The following SRGAP2 variants were observed in gnomAD, a reference collection of about 807,000 sequenced individuals.
SRGAP2 encodes the protein SLIT-ROBO Rho GTPase activating protein 2.
In SRGAP2, 15 loss-of-function variants were observed where a neutral mutation model predicts 57.2. That is an observed-to-expected ratio of 0.26 (90% CI 0.18 to 0.40). The LOEUF (loss-of-function observed/expected upper bound fraction) is 0.40, where lower values mean the gene tolerates loss of function less well. SRGAP2 is among the 10% of genes least tolerant of loss of function. The pLI is 1.00. For missense variants in SRGAP2, 520 were observed against 669.6 expected, an observed-to-expected ratio of 0.78 and a Z score of 2.47; for synonymous variants, 249 against 248.0, an observed-to-expected ratio of 1.00 and a Z score of -0.04.
intron 4 of SRGAP2, among the ~76,000 whole-genome samples, chr1:206,344,049 G>A (rs1675431924): frequency 6.6e-6 from 1 of 152,074 alleles, no homozygotes; most frequent in South Asian, 2.1e-4. Context: ...GAAAAGACTG[G>A]TAAACAGGAT....
At chr1:206,422,718 G>A (rs1312514032) in intron 13 of SRGAP2, among the ~76,000 whole-genome samples, 1 of 152,214 alleles carries the variant, frequency 6.6e-6, no homozygotes, top group Admixed American at 6.5e-5. Context: ...GGTGATATGT[G>A]CCCTTGGTTG....
Position 206,429,873 on chromosome 1 carries a change from C to T in SRGAP2, c.1495-289C>T, listed in dbSNP as rs555147504. On this transcript the variant is annotated intron_variant, in intron 13 of 22. Coordinates refer to ENST00000573034, the MANE Select transcript of SRGAP2 (RefSeq NM_015326.5). ...ATTTGAGAGATATTTAGAAGGCAGA[C>T]ATGACAGAATATTAATTAATTAGGT... Among the ~76,000 whole-genome samples, 273 of 152,240 alleles carry T rather than the reference C, an allele frequency of 1.8e-3. 1 individual carries two copies. The highest frequency in any genetic ancestry group is 6.3e-3 in the African/African-American group (260 of 41,554).
Position 206,458,545 on chromosome 1 carries a change from C to T in SRGAP2, c.2508-78C>T, listed in dbSNP as rs1425850871. Reference sequence around the variant, plus strand: ...TTCCGAAGTCCCTGGGTGCCAACATCTGCCCCCTCCCACTTATCCTAGCTT... The same window carrying T: ...TTCCGAAGTCCCTGGGTGCCAACATTTGCCCCCTCCCACTTATCCTAGCTT... On this transcript the variant is annotated intron_variant, in intron 21 of 22. Transcript: ENST00000573034. 4 of 679,068 alleles carry T rather than the reference C, an allele frequency of 5.9e-6. No homozygotes were observed. The Admixed American group carries it at 9.0e-5, about 15-fold the overall frequency. The allele number at this position is 679,068 out of a possible 1,614,324, so 42.1% of individuals were successfully genotyped here.
intron 2 of SRGAP2, among the ~76,000 whole-genome samples, chr1:206,256,445 A>T (rs1669189652): frequency 6.7e-6 from 1 of 148,272 alleles, no homozygotes; most frequent in Admixed American, 6.7e-5. Context: ...AACAATTCCC[A>T]TTCTATTGGT....
intron 3 of SRGAP2, among the ~76,000 whole-genome samples, chr1:206,319,306 G>A (rs201076451): frequency 0.1 from 14,088 of 140,762 alleles, 1,605 homozygotes; most frequent in African/African-American, 0.29. Flanking sequence ...ACCTACTCAG[G>A]AGGCTGAGGC....
At chr1:206,220,375 TGGAGTA>T (rs1180420373) in intron 2 of SRGAP2, among the ~76,000 whole-genome samples, 1 of 152,218 alleles carries the variant, frequency 6.6e-6, no homozygotes, top group Non-Finnish European at 1.5e-5. Flanking sequence ...TGAAACTATT[TGGAGTA>T]GGAGTGAGGA....
intron 5 of SRGAP2, among the ~76,000 whole-genome samples, chr1:206,391,706 C>T (rs1242483032): frequency 6.6e-6 from 1 of 150,646 alleles, no homozygotes; most frequent in Non-Finnish European, 1.5e-5. Context: ...TGGCATCACA[C>T]TTTCAGCACT....
At chr1:206,356,903 C>T (rs528626475) in intron 4 of SRGAP2, among the ~76,000 whole-genome samples, 2 of 143,702 alleles carry the variant, frequency 1.4e-5, no homozygotes, top group South Asian at 2.2e-4. Flanking sequence ...TTTTTTTTTT[C>T]CTTTTTCTCT....
chr1:206,289,415 G>C (rs2102711197), intron 2 of SRGAP2, among the ~76,000 whole-genome samples: 1 of 150,362 alleles, frequency 6.7e-6, no homozygotes, highest in South Asian at 2.1e-4. Flanking sequence ...TGGGACTACA[G>C]GCGCCCGCCA....
At chr1:206,407,783 CACAA>C (rs1284347442) in intron 10 of SRGAP2, 2 of 146,984 alleles carry the variant, frequency 1.4e-5, no homozygotes, top group Non-Finnish European at 3.0e-5. Flanking sequence ...TCTATGCATG[CACAA>C]ACACATATGT....
chr1:206,418,912 G>GTGTC (rs1189800450), intron 11 of SRGAP2, among the ~76,000 whole-genome samples: 1 of 151,646 alleles, frequency 6.6e-6, no homozygotes, highest in Non-Finnish European at 1.5e-5. Flanking sequence ...GTGTGTGTGT[G>GTGTC]TGTGTGTGTG....
intron 15 of SRGAP2, chr1:206,437,647 G>GCC (rs1661891229): frequency 3.7e-6 from 1 of 268,218 alleles, no homozygotes; most frequent in African/African-American, 2.2e-5. Flanking sequence ...CTCAGTCCCA[G>GCC]CCTGGTTTCA....
chr1:206,348,297 C>G (rs1675799478), intron 4 of SRGAP2, among the ~76,000 whole-genome samples: 1 of 151,370 alleles, frequency 6.6e-6, no homozygotes, highest in Admixed American at 6.6e-5. Flanking sequence ...TCTGTCTAAC[C>G]TCTGTTGGAA....
intron 4 of SRGAP2, among the ~76,000 whole-genome samples, chr1:206,359,801 T>C (rs1411018765): frequency 6.3e-5 from 7 of 110,726 alleles, no homozygotes; most frequent in African/African-American, 3.0e-4. Context: ...TATTGCTCTT[T>C]TTTTTTTTTT....
intron 13 of SRGAP2, among the ~76,000 whole-genome samples, chr1:206,429,461 G>A (rs948252136): frequency 1.3e-5 from 2 of 152,224 alleles, no homozygotes; most frequent in African/African-American, 2.4e-5. Flanking sequence ...GTGGTGACAA[G>A]TGCCAACAAA....
At chr1:206,342,278 C>G (rs569824391) in intron 3 of SRGAP2, among the ~76,000 whole-genome samples, 1 of 152,314 alleles carries the variant, frequency 6.6e-6, no homozygotes, top group South Asian at 2.1e-4. Context: ...ATTTTTGTCT[C>G]TAGACAAAAT....
At position 206,446,209 on chromosome 1, in the gene SRGAP2, C is replaced by T. The variant is rs1350654679; in HGVS notation, c.2009C>T (p.Thr670Ile). Residue 670 changes from threonine (T) to isoleucine (I), a missense_variant, in exon 18 of 23, where the codon ACC (threonine) becomes ATC (isoleucine). Transcript: ENST00000573034. ...CQAHVNELIK[T>I]IIIQHENIFP... is the part of the protein sequence containing the mutation. ...GCCCACGTGAATGAGCTGATCAAAA[C>T]CATCATCATCCAGCATGAGAACATC... 7 of 780,826 alleles carry T rather than the reference C, an allele frequency of 9.0e-6. No homozygotes were observed. Among genetic ancestry groups the T allele is most frequent in the African/African-American group, 1.7e-5 (1 of 59,134 alleles). 48.4% of individuals were successfully genotyped at this position (780,826 alleles called of 1,614,324 possible). A position where few individuals can be genotyped will look rare whatever the true frequency, so the allele number is the denominator to read the frequency against.
intron 2 of SRGAP2, among the ~76,000 whole-genome samples, chr1:206,298,582 CAACA>C (rs1322664430): frequency 6.6e-6 from 1 of 151,946 alleles, no homozygotes; most frequent in African/African-American, 2.4e-5. Context: ...CAAGGTTGAG[CAACA>C]ATCATCACTA....
intron 14 of SRGAP2, among the ~76,000 whole-genome samples, chr1:206,432,825 C>T (rs1238126963): frequency 6.6e-6 from 1 of 152,228 alleles, no homozygotes; most frequent in Non-Finnish European, 1.5e-5. Flanking sequence ...AGAACATGTA[C>T]ATTGGCCTAC....
Sources: gnomAD v4.1 joint callset for allele counts (sites outside exome capture counted in the v4.1 genomes callset) on GRCh38, gnomAD v4.1.1 for gene constraint, MANE v1.5 for transcripts, NCBI Gene and HGNC (gene_info 2026-07-23, HGNC 2026-07-21) for gene names.